PRSS36: variants seen among roughly 807,000 people sequenced by gnomAD.
The protein encoded by PRSS36 is serine protease 36.
In PRSS36, 90 loss-of-function variants were observed where a neutral mutation model predicts 94.3. The ratio of observed to expected loss-of-function variants is 0.95; its 90% CI spans 0.80 to 1.14. PRSS36 has a LOEUF of 1.14. PRSS36 is among the 50% of genes most tolerant of loss of function. PRSS36 has a pLI of 0.00. For missense variants in PRSS36, 1,158 were observed against 1,135.0 expected (o/e 1.02, Z -0.29); for synonymous variants, 500 against 489.6 (o/e 1.02, Z -0.28).
rs1406274942 is a variant in PRSS36 at position 31,141,543 on chromosome 16, C to T, written c.1827G>A (p.Val609=). Residue 609 remains valine (V), a synonymous_variant, in exon 12 of 15, where the codon GTG becomes GTA. Coordinates refer to ENST00000268281, the MANE Select transcript of PRSS36 (RefSeq NM_173502.5). The part of the protein sequence containing the change: ...VLWPWLAEVH[V]AGDRVCTGIL... ...TCCCAGTGCAGACTCGATCACCAGC[C>T]ACATGCACCTCTGCCAGCCAGGGCC... The T allele has an allele frequency of 6.2e-7, 1 of 1,613,464 alleles. No homozygotes were observed. Among genetic ancestry groups the T allele is most frequent in the Non-Finnish European group, 8.5e-7 (1 of 1,180,006 alleles).
Position 31,141,506 on chromosome 16 carries a change from G to A in PRSS36, c.1864C>T (p.Pro622Ser), listed in dbSNP as rs777065233. ...TGAGTGGCTGCCAGGACCCAGCCTGGGGCCAGGAGGATCCCAGTGCAGACT... is the reference window on the plus strand; with the variant it reads ...TGAGTGGCTGCCAGGACCCAGCCTGAGGCCAGGAGGATCCCAGTGCAGACT... The part of the protein sequence containing the change: ...DRVCTGILLA[P>S]GWVLAATHCV... The change falls in exon 12 of 15, where the codon CCA becomes TCA. Residue 622 changes from proline (P) to serine (S), a missense_variant. Coordinates refer to ENST00000268281, the MANE Select transcript of PRSS36 (RefSeq NM_173502.5). 3.8e-5 allele frequency: 61 copies of A among 1,612,850 alleles called. No homozygotes were observed. The highest frequency in any genetic ancestry group is 1.6e-4 in the Middle Eastern group (1 of 6,082).
rs774376189 is a variant in PRSS36 at position 31,139,328 on chromosome 16, A to G, written c.2378T>C (p.Phe793Ser). ...GMAVQGSREL[F>S]AAIGPEEAWI... ...GGCCTCTTCAGGACCAATGGCAGCA[A>G]ACAGCTCCCGGCTCCCTTGAACAGC... The change falls in exon 15 of 15, where the codon TTT (phenylalanine) becomes TCT (serine). Residue 793 changes from phenylalanine to serine, a missense_variant. Transcript: ENST00000268281. 5.8e-5 allele frequency: 93 copies of G among 1,614,014 alleles called. No homozygotes were observed. The highest frequency in any genetic ancestry group is 7.8e-5 in the Non-Finnish European group (92 of 1,180,016).
Position 31,139,316 on chromosome 16 carries a change from C to T in PRSS36, c.2390G>A (p.Gly797Asp), listed in dbSNP as rs1338817975. The T allele has an allele frequency of 1.2e-6, 2 of 1,614,176 alleles. No homozygotes were observed. Among genetic ancestry groups the T allele is most frequent in the Admixed American group, 1.7e-5 (1 of 60,016 alleles). Residue 797 changes from glycine (G) to aspartate (D), a missense_variant, in exon 15 of 15, where the codon GGT becomes GAT. Transcript: ENST00000268281. Reference sequence around the variant, plus strand: ...CTGGGAGATCCAGGCCTCTTCAGGACCAATGGCAGCAAACAGCTCCCGGCT... The same window carrying T: ...CTGGGAGATCCAGGCCTCTTCAGGATCAATGGCAGCAAACAGCTCCCGGCT... The part of the protein sequence containing the change: ...QGSRELFAAI[G>D]PEEAWISQTV...
intron 8 of PRSS36, 89 bp downstream of exon 8, chr16:31,143,253 C>T (rs1006331344): frequency 1.1e-5 from 16 of 1,506,802 alleles, no homozygotes; most frequent in African/African-American, 1.4e-5. Context: ...CCCCCCCACA[C>T]CCCCTGGGGA....
At chr16:31,139,446 C>G (rs756573050) in intron 14 of PRSS36, 30 bp from the exon 15 acceptor site, 2 of 1,597,060 alleles carry the variant, frequency 1.3e-6, no homozygotes, top group East Asian at 4.5e-5. Flanking sequence ...CCACGTGGGT[C>G]TGCTGCCCTT....
rs753932010 is a variant in PRSS36, at chr16:31,140,701, C to G, written c.1958G>C (p.Ser653Thr). The G allele has an allele frequency of 6.2e-7, 1 of 1,614,100 alleles. No individual in the cohort carries two copies. The highest frequency in any genetic ancestry group is 1.7e-5 in the Admixed American group (1 of 60,012). Residue 653 changes from serine to threonine, a missense_variant, in exon 13 of 15, where the codon AGC (serine) becomes ACC (threonine). By Grantham distance (58) the Ser-to-Thr change is moderately conservative. Coordinates refer to ENST00000268281, the MANE Select transcript of PRSS36 (RefSeq NM_173502.5). The part of the protein sequence containing the change: ...IEVYLGRAGA[S>T]SLPQGHQVSR... ...TACCTGGTGGCCCTGTGGGAGGGAG[C>G]TGGCCCCTGCCCGGCCCAGATACAC...
At chr16:31,144,621 G>A (rs911523789) in intron 6 of PRSS36, among the ~76,000 whole-genome samples, 13 of 150,252 alleles carry the variant, frequency 8.7e-5, no homozygotes, top group African/African-American at 3.2e-4. Context: ...GCTGTCTTTG[G>A]TTTTTAAATT....
In PRSS36 at chr16:31,143,001, A is replaced by G; in HGVS notation, c.1101-8T>C. The G allele has an allele frequency of 7.2e-7, 1 of 1,381,112 alleles. No individual in the cohort carries two copies. Among genetic ancestry groups the G allele is most frequent in the Non-Finnish European group, 9.3e-7 (1 of 1,071,816 alleles). The allele number at this position is 1,381,112 out of a possible 1,614,324, so 85.6% of individuals were successfully genotyped here. On this transcript the variant is annotated splice_polypyrimidine_tract_variant and splice_region_variant and intron_variant, in intron 8 of 14. Coordinates refer to ENST00000268281, the MANE Select transcript of PRSS36 (RefSeq NM_173502.5). Reference sequence around the variant, plus strand: ...CTGTCGGAGCTGTTCGGGCTGCGGGATGGGGGCCGAGGGACGTGGGCCGGA... The same window carrying G: ...CTGTCGGAGCTGTTCGGGCTGCGGGGTGGGGGCCGAGGGACGTGGGCCGGA...
rs368432184 is a variant in PRSS36 at position 31,139,098 on chromosome 16, A to C, written c.*40T>G. 2 of 1,509,512 alleles carry C rather than the reference A, an allele frequency of 1.3e-6. No individual in the cohort carries two copies. Among genetic ancestry groups the C allele is most frequent in the Non-Finnish European group, 1.8e-6 (2 of 1,127,358 alleles). 93.5% of individuals were successfully genotyped at this position (1,509,512 alleles called of 1,614,324 possible). On this transcript the variant is annotated 3_prime_UTR_variant, in exon 15 of 15. Coordinates refer to ENST00000268281, the MANE Select transcript of PRSS36 (RefSeq NM_173502.5). ...TCCAGCCCCACTGGGCGGGAAGTAG[A>C]GGGTGGAGAAGGGGGAAGTGGTGCT...
chr16:31,149,207 G>A lies in PRSS36; in HGVS notation c.138C>T (p.Arg46=), dbSNP rs2057858166. ...GCTGCGCGTTTGAGCCCCCCACGAT[G>A]CGGGCCGAGGGCTCAGGGCGCCCGC... The part of the protein sequence containing the change: ...LDCGRPEPSA[R]IVGGSNAQPG... Residue 46 remains arginine (R), a synonymous_variant, in exon 4 of 15, where the codon CGC becomes CGT. Coordinates refer to ENST00000268281, the MANE Select transcript of PRSS36 (RefSeq NM_173502.5). 1.3e-6 allele frequency: 2 copies of A among 1,564,608 alleles called. No homozygotes were observed. Among genetic ancestry groups the A allele is most frequent in the Non-Finnish European group, 8.7e-7 (1 of 1,155,416 alleles).
Position 31,141,824 on chromosome 16 carries a change from A to T in PRSS36, c.1658T>A (p.Val553Glu), listed in dbSNP as rs1596843724. 1 of 1,614,198 alleles carries T rather than the reference A, an allele frequency of 6.2e-7. No individual in the cohort carries two copies. ...LQTHGPWISH[V>E]TRGAYLEDQL... is the part of the protein sequence containing the mutation. ...GTCCTCCAGGTAGGCTCCCCGAGTCACATGGCTGATCCATGGGCCATGAGT... is the reference window on the plus strand; with the variant it reads ...GTCCTCCAGGTAGGCTCCCCGAGTCTCATGGCTGATCCATGGGCCATGAGT... Residue 553 changes from valine (V) to glutamate (E), a missense_variant, in exon 11 of 15, where the codon GTG becomes GAG. Val to Glu is a moderately radical substitution (Grantham distance 121). Coordinates refer to ENST00000268281, the MANE Select transcript of PRSS36 (RefSeq NM_173502.5).
chr16:31,139,359 C>T lies in PRSS36; in HGVS notation c.2347G>A (p.Gly783Ser). 1 of 1,614,098 alleles carries T rather than the reference C, an allele frequency of 6.2e-7. No individual in the cohort carries two copies. The highest frequency in any genetic ancestry group is 2.2e-5 in the East Asian group (1 of 44,870). ...TCCCGGCTCCCTTGAACAGCCATGC[C>T]CACGAGGATCCAGGACCCTTCCGTC... ...QMTEGSWILVGMAVQGSRELF... is the reference protein window; with the variant it reads ...QMTEGSWILVSMAVQGSRELF... Residue 783 changes from glycine to serine, a missense_variant, in exon 15 of 15, where the codon GGC (glycine) becomes AGC (serine). By Grantham distance (56) the Gly-to-Ser change is moderately conservative (BLOSUM62 0). Transcript: ENST00000268281.
chr16:31,143,912 C>T, intron 6 of PRSS36, 75 bp from the exon 7 acceptor site: 1 of 1,557,380 alleles, frequency 6.4e-7, no homozygotes, highest in Non-Finnish European at 8.7e-7. Context: ...TCCTTTTGGC[C>T]CAACATACAC....
Position 31,149,630 on chromosome 16 carries a change from A to G in PRSS36, c.73+66T>C, listed in dbSNP as rs1241646869. 1.9e-6 allele frequency: 3 copies of G among 1,609,396 alleles called. No individual in the cohort carries two copies. The African/African-American group carries it at 4.0e-5, about 22-fold the overall frequency. On this transcript the variant is annotated intron_variant, in intron 2 of 14. Coordinates refer to ENST00000268281, the MANE Select transcript of PRSS36 (RefSeq NM_173502.5). ...TGTCCGTTCAGCAACCCCTGCCAGCACCCATGCCAGTCCTCTGGTCTTTTC... is the reference window on the plus strand; with the variant it reads ...TGTCCGTTCAGCAACCCCTGCCAGCGCCCATGCCAGTCCTCTGGTCTTTTC...
At chr16:31,147,219 C>T (rs1225306562) in intron 5 of PRSS36, among the ~76,000 whole-genome samples, 1 of 152,136 alleles carries the variant, frequency 6.6e-6, no homozygotes, top group Non-Finnish European at 1.5e-5. Flanking sequence ...CCTTCTTCAT[C>T]TAACATGACT....
At chr16:31,142,068 A>G in intron 10 of PRSS36, 108 bp from the exon 11 acceptor site, 2 of 917,324 alleles carry the variant, frequency 2.2e-6, no homozygotes, top group Non-Finnish European at 3.5e-6. Context: ...GGAAGTATCA[A>G]GTTCCACCTT....
rs749879992 is a variant in PRSS36, at chr16:31,141,819, G to A, written c.1663C>T (p.Arg555Trp). 1.1e-5 allele frequency: 18 copies of A among 1,614,040 alleles called. No homozygotes were observed. The highest frequency in any genetic ancestry group is 3.3e-5 in the South Asian group (3 of 91,090). The change falls in exon 11 of 15, where the codon CGG becomes TGG. Residue 555 changes from arginine (R) to tryptophan (W), a missense_variant. Arg to Trp is a moderately radical substitution (Grantham distance 101, BLOSUM62 -3). Transcript: ENST00000268281. ...AGCTGGTCCTCCAGGTAGGCTCCCC[G>A]AGTCACATGGCTGATCCATGGGCCA... ...THGPWISHVTRGAYLEDQLAW... is the reference protein window; with the variant it reads ...THGPWISHVTWGAYLEDQLAW...
intron 12 of PRSS36, 114 bp from the exon 13 acceptor site, chr16:31,140,871 C>A (rs1204470816): frequency 2.6e-6 from 3 of 1,154,978 alleles, no homozygotes; most frequent in East Asian, 2.4e-5. Flanking sequence ...CTTCATCATC[C>A]CTCCTTCCAA....
intron 3 of PRSS36, 103 bp downstream of exon 3, chr16:31,149,360 A>G (rs183178512): frequency 5.9e-5 from 91 of 1,548,132 alleles, no homozygotes; most frequent in South Asian, 9.4e-5. Flanking sequence ...AAGAACATAG[A>G]GGACCCAGGC....
Sources: allele counts gnomAD v4.1 joint callset (sites outside exome capture counted in the v4.1 genomes callset), GRCh38; gene constraint gnomAD v4.1.1; transcripts MANE v1.5; gene names NCBI Gene and HGNC (gene_info 2026-07-23, HGNC 2026-07-21).